GIGYF1: variants seen among roughly 807,000 people sequenced by gnomAD.
GIGYF1 encodes GRB10-interacting GYF protein 1.
GIGYF1 carries 84 observed loss-of-function variants against 147.1 expected under a neutral mutation model. The observed-to-expected ratio is 0.57, with a 90% CI of 0.48 to 0.68. GIGYF1 has a LOEUF of 0.68. Ranked by LOEUF, GIGYF1 falls within the 30% of genes least tolerant of loss-of-function variation. The pLI is 0.00. For synonymous variants in GIGYF1, 752 were observed against 589.5 expected (o/e 1.28, Z -3.99); for missense variants, 1,485 against 1,393.7 (o/e 1.07, Z -1.04).
intron 12 of GIGYF1, 150 bp from the exon 13 acceptor site, chr7:100,685,631 G>A (rs892827990): frequency 2.4e-6 from 2 of 845,822 alleles, no homozygotes; most frequent in South Asian, 1.7e-5. Context: ...TAATGGCAGA[G>A]GGAATGCGGT....
At position 100,684,149 on chromosome 7, in the gene GIGYF1, A is replaced by G; in HGVS notation, c.1739T>C (p.Leu580Pro). 1.2e-6 allele frequency: 2 copies of G among 1,608,408 alleles called. No homozygotes were observed. Among genetic ancestry groups the G allele is most frequent in the Non-Finnish European group, 1.7e-6 (2 of 1,179,502 alleles). Residue 580 changes from leucine to proline, a missense_variant, in exon 18 of 27, where the codon CTC (leucine) becomes CCC (proline). Leu to Pro is a moderately conservative substitution (Grantham distance 98). Coordinates refer to ENST00000678049, the MANE Select transcript of GIGYF1 (RefSeq NM_001375765.1). The part of the protein sequence containing the change: ...QFLQLVSSRQ[L>P]PQCALREKAA... ...CTTTTCTCGGAGCGCGCACTGTGGG[A>G]GCTGGCGGCTGCAAATGGGACAGTG...
At position 100,685,427 on chromosome 7, in the gene GIGYF1, G is replaced by A; in HGVS notation, c.1109C>T (p.Ser370Phe). 2 of 1,589,154 alleles carry A rather than the reference G, an allele frequency of 1.3e-6. No individual in the cohort carries two copies. The highest frequency in any genetic ancestry group is 1.7e-6 in the Non-Finnish European group (2 of 1,174,122). Residue 370 changes from serine (S) to phenylalanine (F), a missense_variant, in exon 13 of 27, where the codon TCC becomes TTC. Coordinates refer to ENST00000678049, the MANE Select transcript of GIGYF1 (RefSeq NM_001375765.1). ...PPQEEKSSSP[S>F]PLPTLGPLWG... ...GAGTGGGCCCAGGGTGGGCAGTGGG[G>A]ATGGGGAGCTGGACTTCTCCTCCTG...
In GIGYF1 at chr7:100,686,031, C is replaced by T; in HGVS notation, c.997G>A (p.Gly333Arg). The change falls in exon 12 of 27, where the codon GGG becomes AGG. Residue 333 changes from glycine to arginine, a missense_variant. Gly to Arg is a moderately radical substitution (Grantham distance 125). Coordinates refer to ENST00000678049, the MANE Select transcript of GIGYF1 (RefSeq NM_001375765.1). ...IPEEQELDFQGLEEEEEPSEG... is the reference protein window; with the variant it reads ...IPEEQELDFQRLEEEEEPSEG... Reference sequence around the variant, plus strand: ...GAAGGTTCCTCCTCCTCCTCCAACCCTTGGAAGTCCAGCTCCTGCTCCTCA... The same window carrying T: ...GAAGGTTCCTCCTCCTCCTCCAACCTTTGGAAGTCCAGCTCCTGCTCCTCA... 1 of 1,612,912 alleles carries T rather than the reference C, an allele frequency of 6.2e-7. No homozygotes were observed.
chr7:100,683,168 G>C lies in GIGYF1; in HGVS notation c.2256C>G (p.Pro752=), dbSNP rs749558916. ...AGAGTGGGGGCGGGGAGCTGGGTGC[G>C]GGGGGCACAGGGACCGCCTGCTGCT... ...LQQQQAVPVP[P]APSSPPPLWA... is the part of the protein sequence containing the mutation. Residue 752 remains proline (P), a synonymous_variant, in exon 22 of 27, where the codon CCC becomes CCG. Coordinates refer to ENST00000678049, the MANE Select transcript of GIGYF1 (RefSeq NM_001375765.1). The C allele has an allele frequency of 2.2e-5, 36 of 1,602,918 alleles. No individual in the cohort carries two copies. The highest frequency in any genetic ancestry group is 2.7e-5 in the Non-Finnish European group (32 of 1,178,282).
chr7:100,690,781 CA>C lies in GIGYF1; in HGVS notation c.-1098-1227del, dbSNP rs34194201. On this transcript the variant is annotated intron_variant, in intron 1 of 26. Transcript: ENST00000678049. ...TGGGCAACAGAGCAAGACTCTGTCT[CA>C]AAAAAAAAAAAAAAAAAAAATTTAA... Among the ~76,000 whole-genome samples the C allele has an allele frequency of 4.1e-3, 382 of 93,562 alleles. 1 individual carries two copies. The highest frequency in any genetic ancestry group is 0.012 in the African/African-American group (265 of 22,236). The allele number at this position is 93,562 out of a possible 152,430, so 61.4% of individuals were successfully genotyped here. A position where few individuals can be genotyped will look rare whatever the true frequency, so the allele number is the denominator to read the frequency against.
chr7:100,684,950 T>C, intron 14 of GIGYF1, 56 bp from the exon 15 acceptor site: 4 of 1,586,414 alleles, frequency 2.5e-6, no homozygotes, highest in South Asian at 1.1e-5. Context: ...AACATCAGGA[T>C]GGGGATGGGG....
At position 100,684,796 on chromosome 7, in the gene GIGYF1, G is replaced by A. The variant is rs779630669; in HGVS notation, c.1389C>T (p.Ala463=). ...MQTQGLRHSA[A]ATALPLSHGA... ...CATGGCTGAGCGGGAGGGCAGTGGCGGCTGCAGAGTGGCGCAGGCCCTGGG... is the reference window on the plus strand; with the variant it reads ...CATGGCTGAGCGGGAGGGCAGTGGCAGCTGCAGAGTGGCGCAGGCCCTGGG... The change falls in exon 15 of 27, where the codon GCC becomes GCT. Residue 463 remains alanine, a synonymous_variant. Coordinates refer to ENST00000678049, the MANE Select transcript of GIGYF1 (RefSeq NM_001375765.1). 9.3e-6 allele frequency: 15 copies of A among 1,611,438 alleles called. No homozygotes were observed. In the African/African-American group the frequency reaches 9.3e-5, roughly 10 times the overall value.
intron 1 of GIGYF1, among the ~76,000 whole-genome samples, chr7:100,693,715 G>A (rs1384977865): frequency 6.6e-6 from 1 of 152,076 alleles, no homozygotes; most frequent in African/African-American, 2.4e-5. Flanking sequence ...GGCTTGGCAG[G>A]GGCCCGGGGG....
At chr7:100,685,676 C>T (rs1161236005) in intron 12 of GIGYF1, among the ~76,000 whole-genome samples, 195 bp from the exon 13 acceptor site, 2 of 152,126 alleles carry the variant, frequency 1.3e-5, no homozygotes, top group African/African-American at 4.8e-5. Context: ...CCAGACGCGG[C>T]AGGAACATAT....
Position 100,685,998 on chromosome 7 carries a change from G to C in GIGYF1, c.1030C>G (p.Leu344Val). ...LEEEEEPSEG[L>V]EEEGPEAGGK... ...CCTGCCTCAGGCCCTTCCTCCTCTAGCCCTTCGGAAGGTTCCTCCTCCTCC... is the reference window on the plus strand; with the variant it reads ...CCTGCCTCAGGCCCTTCCTCCTCTACCCCTTCGGAAGGTTCCTCCTCCTCC... Residue 344 changes from leucine (L) to valine (V), a missense_variant, in exon 12 of 27, where the codon CTA becomes GTA. By Grantham distance (32) the Leu-to-Val change is conservative (BLOSUM62 1). Coordinates refer to ENST00000678049, the MANE Select transcript of GIGYF1 (RefSeq NM_001375765.1). 1 of 1,612,430 alleles carries C rather than the reference G, an allele frequency of 6.2e-7. No individual in the cohort carries two copies. Among genetic ancestry groups the C allele is most frequent in the East Asian group, 2.2e-5 (1 of 44,846 alleles).
At chr7:100,685,880 C>G (rs1805273851) in intron 12 of GIGYF1, 94 bp downstream of exon 12, 1 of 998,666 alleles carries the variant, frequency 1.0e-6, no homozygotes, top group African/African-American at 1.6e-5. Context: ...TAGCCTGATT[C>G]TACAGGTAGG....
At chr7:100,690,102 C>T (rs1349642679) in intron 1 of GIGYF1, among the ~76,000 whole-genome samples, 2 of 152,214 alleles carry the variant, frequency 1.3e-5, no homozygotes, top group Non-Finnish European at 2.9e-5. Context: ...CAATTAGAGA[C>T]AGTTAAAGTC....
rs775735876 is a variant in GIGYF1 at position 100,686,270 on chromosome 7, C to G, written c.858G>C (p.Glu286Asp). The change falls in exon 11 of 27, where the codon GAG (glutamate) becomes GAC (aspartate). Residue 286 changes from glutamate (E) to aspartate (D), a missense_variant. Transcript: ENST00000678049. ...ACCACTCTGGGAGCCCATCCTTGTC[C>G]TCCTCAAAGCCTTCAGGCGCTCGGC... ...RRCRAPEGFE[E>D]DKDGLPEWCL... 1.2e-6 allele frequency: 2 copies of G among 1,614,132 alleles called. No individual in the cohort carries two copies. Among genetic ancestry groups the G allele is most frequent in the South Asian group, 2.2e-5 (2 of 91,084 alleles).
At position 100,683,856 on chromosome 7, in the gene GIGYF1, C is replaced by G; in HGVS notation, c.1931G>C (p.Arg644Pro). 2 of 1,564,762 alleles carry G rather than the reference C, an allele frequency of 1.3e-6. No individual in the cohort carries two copies. The highest frequency in any genetic ancestry group is 1.2e-5 in the South Asian group (1 of 86,158). Residue 644 changes from arginine (R) to proline (P), a missense_variant, in exon 19 of 27, where the codon CGC (arginine) becomes CCC (proline). Physicochemically the swap from Arg to Pro is moderately radical, Grantham distance 103. Transcript: ENST00000678049. Reference protein sequence around the residue: ...SRSLSVPDSGRLWDVHTSASS... With the variant: ...SRSLSVPDSGPLWDVHTSASS... The stretch of plus-strand genomic sequence containing the variant: ...GGCTGAGGTATGTACGTCCCAGAGG[C>G]GGCCCGAATCTGGCACCGACAAGGA...
At chr7:100,685,909 C>G in intron 12 of GIGYF1, 65 bp downstream of exon 12, 1 of 1,390,144 alleles carries the variant, frequency 7.2e-7, no homozygotes, top group Non-Finnish European at 1.0e-6. Context: ...CAATGCCCAG[C>G]CCGGCAAAGA....
chr7:100,688,268 G>A lies in GIGYF1; in HGVS notation c.-30C>T. 6.6e-7 allele frequency: 1 copy of A among 1,507,048 alleles called. No individual in the cohort carries two copies. The highest frequency in any genetic ancestry group is 9.2e-7 in the Non-Finnish European group (1 of 1,083,642). The allele number at this position is 1,507,048 out of a possible 1,614,324, so 93.4% of individuals were successfully genotyped here. A position where few individuals can be genotyped will look rare whatever the true frequency, so the allele number is the denominator to read the frequency against. ...GGGCTGGGCGTGTTTGAGAGGCCGGGGGTGGGGAGGAGGGGACCTGGCGTT... is the reference window on the plus strand; with the variant it reads ...GGGCTGGGCGTGTTTGAGAGGCCGGAGGTGGGGAGGAGGGGACCTGGCGTT... On this transcript the variant is annotated 5_prime_UTR_variant, in exon 4 of 27. Transcript: ENST00000678049.
rs765333683 is a variant in GIGYF1, at chr7:100,686,185, G to A, written c.943C>T (p.Leu315Phe). ...TFDASGAFLP[L>F]KKGPKEPIPE... ...CCTCGCCTCCTCACAGATACCTTGA[G>A]AGGCAAGAAGGCCCCAGAGGCATCA... is the stretch of plus-strand genomic sequence containing the variant. The change falls in exon 11 of 27, where the codon CTC becomes TTC. Residue 315 changes from leucine (L) to phenylalanine (F), a missense_variant. Transcript: ENST00000678049. 3 of 1,608,084 alleles carry A rather than the reference G, an allele frequency of 1.9e-6. No individual in the cohort carries two copies. Among genetic ancestry groups the A allele is most frequent in the East Asian group, 2.2e-5 (1 of 44,798 alleles).
At position 100,686,686 on chromosome 7, in the gene GIGYF1, G is replaced by A. The variant is rs746989139; in HGVS notation, c.657C>T (p.Pro219=). 1 of 1,612,974 alleles carries A rather than the reference G, an allele frequency of 6.2e-7. No individual in the cohort carries two copies. The highest frequency in any genetic ancestry group is 8.5e-7 in the Non-Finnish European group (1 of 1,179,804). ...AGCGCCAGCGGTCGCCGTCTCGCCG[G>A]GGCCCTGCTCCGAGCCTCCAGCTGC... ...EEGSWRLGAG[P]RRDGDRWRSA... The change falls in exon 10 of 27, where the codon CCC becomes CCT. Residue 219 remains proline (P), a synonymous_variant. Coordinates refer to ENST00000678049, the MANE Select transcript of GIGYF1 (RefSeq NM_001375765.1).
At position 100,684,535 on chromosome 7, in the gene GIGYF1, T is replaced by C; in HGVS notation, c.1544A>G (p.Asp515Gly). The C allele has an allele frequency of 6.2e-7, 1 of 1,614,010 alleles. No homozygotes were observed. The highest frequency in any genetic ancestry group is 8.5e-7 in the Non-Finnish European group (1 of 1,180,028). The change falls in exon 16 of 27, where the codon GAT (aspartate) becomes GGT (glycine). Residue 515 changes from aspartate to glycine, a missense_variant. Transcript: ENST00000678049. ...SMSLLVKRGCDEGFQPLGEVI... is the reference protein window; with the variant it reads ...SMSLLVKRGCGEGFQPLGEVI... The stretch of plus-strand genomic sequence containing the variant: ...CTCGCCCAGCGGCTGGAAGCCCTCA[T>C]CGCAGCCCCGCTTCACCAGCAGTGA...
Sources: gnomAD v4.1 joint callset for allele counts (sites outside exome capture counted in the v4.1 genomes callset) on GRCh38, gnomAD v4.1.1 for gene constraint, MANE v1.5 for transcripts, NCBI Gene and HGNC (gene_info 2026-07-23, HGNC 2026-07-21) for gene names.